The following SMG1 variants were observed in gnomAD, a reference collection of about 807,000 sequenced individuals.
SMG1 encodes the protein serine/threonine-protein kinase SMG1.
SMG1 carries 22 observed loss-of-function variants against 419.9 expected under a neutral mutation model. The ratio of observed to expected loss-of-function variants is 0.05; its 90% CI spans 0.04 to 0.07. SMG1 has a LOEUF of 0.07. SMG1 is among the 10% of genes least tolerant of loss of function. The pLI, the probability that SMG1 is intolerant of heterozygous loss-of-function variation, is 1.00. For synonymous variants in SMG1, 1,538 were observed against 1,553.5 expected (o/e 0.99, Z 0.23); for missense variants, 3,185 against 4,342.0 (o/e 0.73, Z 7.49).
At position 18,873,661 on chromosome 16, in the gene SMG1, T is replaced by C. The variant is rs75590623; in HGVS notation, c.1891-1037A>G. Among the ~76,000 whole-genome samples the C allele has an allele frequency of 2.5e-3, 382 of 152,358 alleles. 9 individuals are homozygous for C. The East Asian group carries it at 0.043, about 17-fold the overall frequency. ...CTGTATTTGGCCCATGGACCATAGT[T>C]TGCCGATCTCTGGTCTAAACAAAGC... On this transcript the variant is annotated intron_variant, in intron 13 of 62. Transcript: ENST00000446231.
At chr16:18,813,611 T>A (rs992253384) in intron 60 of SMG1, among the ~76,000 whole-genome samples, 1 of 152,196 alleles carries the variant, frequency 6.6e-6, no homozygotes, top group Non-Finnish European at 1.5e-5. Context: ...ATTCTGTAGG[T>A]TGCCTGTTCA....
At chr16:18,909,140 C>G (rs1380330226) in intron 1 of SMG1, among the ~76,000 whole-genome samples, 1 of 151,372 alleles carries the variant, frequency 6.6e-6, no homozygotes, top group Non-Finnish European at 1.5e-5. Context: ...ATCAAGAGTT[C>G]AAGACCAGCC....
At chr16:18,813,332 T>C (rs2031656828) in intron 60 of SMG1, among the ~76,000 whole-genome samples, 1 of 152,186 alleles carries the variant, frequency 6.6e-6, no homozygotes, top group East Asian at 1.9e-4. Context: ...CCAGCACCTG[T>C]TGTTTCCTGA....
chr16:18,916,709 G>T (rs1043586847), intron 1 of SMG1, among the ~76,000 whole-genome samples: 24 of 151,692 alleles, frequency 1.6e-4, no homozygotes, highest in African/African-American at 5.1e-4. Flanking sequence ...TCTATACAAG[G>T]GGAAGTATGT....
At position 18,854,675 on chromosome 16, in the gene SMG1, G is replaced by C. The variant is rs760648450; in HGVS notation, c.4464C>G (p.Thr1488=). ...KWGPELDIEK[T]KLLYTAGQST... is the part of the protein sequence containing the mutation. ...ACTAACCTGCTGTATAAAGCAATTT[G>C]GTTTTTTCAATATCAAGTTCGGGCC... is the stretch of plus-strand genomic sequence containing the variant. Residue 1488 remains threonine (T), a synonymous_variant, in exon 30 of 63, where the codon ACC becomes ACG. Transcript: ENST00000446231. The C allele has an allele frequency of 6.2e-7, 1 of 1,613,480 alleles. No individual in the cohort carries two copies. The highest frequency in any genetic ancestry group is 1.1e-5 in the South Asian group (1 of 91,000).
At chr16:18,889,675 C>T in intron 5 of SMG1, 90 bp from the exon 6 acceptor site, 1 of 569,092 alleles carries the variant, frequency 1.8e-6, no homozygotes, top group South Asian at 2.0e-5. Flanking sequence ...AAAAGAATGT[C>T]TTAAGTGGTT....
In SMG1 at chr16:18,815,261, C is replaced by T. The variant is rs1343575692; in HGVS notation, c.10535G>A (p.Ser3512Asn). ...QSQSIYNNLVSFASPLVTDAT... is the reference protein window; with the variant it reads ...QSQSIYNNLVNFASPLVTDAT... ...ATCGGTGACTAAGGGTGATGCAAAA[C>T]TCACTAAATTATTATAGATACTGAA... The change falls in exon 60 of 63, where the codon AGT becomes AAT. Residue 3512 changes from serine (S) to asparagine (N), a missense_variant. Around this residue, in one of 27 missense-constraint regions of SMG1, gnomAD observed 737 missense variants for 846.6 expected, o/e 0.87. Transcript: ENST00000446231. The T allele has an allele frequency of 1.3e-6, 2 of 1,584,066 alleles. No homozygotes were observed. Among genetic ancestry groups the T allele is most frequent in the East Asian group, 2.3e-5 (1 of 43,478 alleles).
At position 18,808,883 on chromosome 16, in the gene SMG1, T is replaced by G. The variant is rs1256486886; in HGVS notation, c.*686A>C. 6.6e-6 allele frequency: 1 copy of G among 152,598 alleles called. No homozygotes were observed. The highest frequency in any genetic ancestry group is 1.5e-5 in the Non-Finnish European group (1 of 68,016). The allele number at this position is 152,598 out of a possible 1,614,324, so 9.5% of individuals were successfully genotyped here. A position where few individuals can be genotyped will look rare whatever the true frequency, so the allele number is the denominator to read the frequency against. On this transcript the variant is annotated 3_prime_UTR_variant, in exon 63 of 63. Transcript: ENST00000446231. Reference sequence around the variant, plus strand: ...TTGAAAGATGGCTAATCTACTAGATTAGGTAAAGGGGGAACGGGTAAGTGG... The same window carrying G: ...TTGAAAGATGGCTAATCTACTAGATGAGGTAAAGGGGGAACGGGTAAGTGG...
intron 11 of SMG1, 56 bp downstream of exon 11, chr16:18,879,439 G>A (rs200503502): frequency 1.3e-4 from 155 of 1,159,146 alleles, no homozygotes; most frequent in Non-Finnish European, 1.8e-4. Context: ...CTTACATATC[G>A]ATTTAAGGGC....
intron 62 of SMG1, among the ~76,000 whole-genome samples, chr16:18,811,431 C>G (rs2031387469): frequency 6.6e-6 from 1 of 152,120 alleles, no homozygotes; most frequent in Non-Finnish European, 1.5e-5. Context: ...TCATACTACA[C>G]CTGCAACCCA....
At chr16:18,828,287 G>T in intron 54 of SMG1, 119 bp from the exon 55 acceptor site, 1 of 911,628 alleles carries the variant, frequency 1.1e-6, no homozygotes, top group Non-Finnish European at 1.6e-6. Context: ...TGCAGCCAAT[G>T]GGAGGTAAGC....
chr16:18,836,280 C>A, intron 47 of SMG1, 68 bp from the exon 48 acceptor site: 1 of 1,588,670 alleles, frequency 6.3e-7, no homozygotes, highest in Non-Finnish European at 8.6e-7. Context: ...AAAGCAAGCA[C>A]AAACCAGGAC....
chr16:18,884,922 C>G, intron 8 of SMG1, 168 bp downstream of exon 8: 1 of 605,954 alleles, frequency 1.7e-6, no homozygotes, highest in Non-Finnish European at 2.9e-6. Flanking sequence ...TAGTAATTTC[C>G]TCTGAAAATA....
At chr16:18,848,475 C>G (rs1275145905) in intron 36 of SMG1, among the ~76,000 whole-genome samples, 1 of 151,866 alleles carries the variant, frequency 6.6e-6, no homozygotes, top group Non-Finnish European at 1.5e-5. Context: ...GCTACCATAC[C>G]CAGCTAATTT....
At chr16:18,809,980 A>T (rs2031224520) in intron 62 of SMG1, among the ~76,000 whole-genome samples, 1 of 145,876 alleles carries the variant, frequency 6.9e-6, no homozygotes, top group Non-Finnish European at 1.5e-5. Flanking sequence ...ACGGTTTCTT[A>T]AAAAAAAAAA....
At chr16:18,876,651 T>G (rs577053391) in intron 12 of SMG1, among the ~76,000 whole-genome samples, 38 of 132,008 alleles carry the variant, frequency 2.9e-4, no homozygotes, top group African/African-American at 1.0e-3. Flanking sequence ...AATATGAAAT[T>G]TCCGAAATGG....
Position 18,829,390 on chromosome 16 carries a change from CG to C in SMG1, c.9498del (p.Tyr3166Ter). On this transcript the variant is annotated frameshift_variant, in exon 54 of 63. Transcript: ENST00000446231. LOFTEE classifies it high-confidence loss of function. ...MNRATVLASS[Y>X]DTAWKKHDLV... The stretch of plus-strand genomic sequence containing the variant: ...AAGTCATGCTTCTTCCAGGCAGTGT[CG>C]TAAGAACTTGCTAACACAGTTGCCC... The C allele has an allele frequency of 6.2e-7, 1 of 1,613,996 alleles. No individual in the cohort carries two copies. The highest frequency in any genetic ancestry group is 8.5e-7 in the Non-Finnish European group (1 of 1,179,892).
intron 1 of SMG1, among the ~76,000 whole-genome samples, chr16:18,901,795 T>C (rs908685783): frequency 2.6e-5 from 4 of 151,718 alleles, no homozygotes; most frequent in Non-Finnish European, 4.4e-5. Context: ...GCCAGCATGG[T>C]GAAACCTGTC....
At chr16:18,840,168 A>C (rs1052689892) in intron 41 of SMG1, among the ~76,000 whole-genome samples, 2 of 152,222 alleles carry the variant, frequency 1.3e-5, no homozygotes, top group African/African-American at 4.8e-5. Flanking sequence ...ACTTTATTGA[A>C]AAATTGGTCT....
Sources: allele counts gnomAD v4.1 joint callset (sites outside exome capture counted in the v4.1 genomes callset), GRCh38; gene constraint gnomAD v4.1.1; regional missense constraint gnomAD v4.1.1; transcripts MANE v1.5; gene names NCBI Gene and HGNC (gene_info 2026-07-23, HGNC 2026-07-21).